Variants in GLCE observed in about 807,000 individuals in gnomAD.
GLCE encodes the protein glucuronic acid epimerase.
GLCE carries 19 observed loss-of-function variants against 47.9 expected under a neutral mutation model. The ratio of observed to expected loss-of-function variants is 0.40; its 90% CI spans 0.28 to 0.58. The LOEUF is 0.58. GLCE is among the 20% of genes least tolerant of loss of function. The pLI is 0.48. For synonymous variants in GLCE, 245 were observed against 263.4 expected, an observed-to-expected ratio of 0.93 and a Z score of 0.68; for missense variants, 556 against 743.3, an observed-to-expected ratio of 0.75 and a Z score of 2.93.
At chr15:69,208,820 T>A (rs2052186757) in intron 1 of GLCE, among the ~76,000 whole-genome samples, 1 of 152,132 alleles carries the variant, frequency 6.6e-6, no homozygotes, top group Non-Finnish European at 1.5e-5. Context: ...GTTGTTAGCA[T>A]ATAGCTCTTG....
intron 2 of GLCE, among the ~76,000 whole-genome samples, chr15:69,227,681 T>C (rs2052468778): frequency 6.6e-6 from 1 of 152,230 alleles, no homozygotes; most frequent in Admixed American, 6.5e-5. Flanking sequence ...GACCTTATAC[T>C]GATAATTTCA....
At position 69,255,975 on chromosome 15, in the gene GLCE, G is replaced by A; in HGVS notation, c.169G>A (p.Ala57Thr). ...AGTGGATGGGTTTGAAAAAAGAGCA[G>A]CAGCATCTGAGAGTAACAACTATAT... ...FRVDGFEKRA[A>T]ASESNNYMNH... The change falls in exon 3 of 5, where the codon GCA (alanine) becomes ACA (threonine). Residue 57 changes from alanine (A) to threonine (T), a missense_variant. By Grantham distance (58) the Ala-to-Thr change is moderately conservative. This residue lies in a region of GLCE where 237 missense variants were observed against 310.9 expected (regional missense o/e 0.76). Coordinates refer to ENST00000261858, the MANE Select transcript of GLCE (RefSeq NM_015554.3). 1 of 1,614,072 alleles carries A rather than the reference G, an allele frequency of 6.2e-7. No individual in the cohort carries two copies. Among genetic ancestry groups the A allele is most frequent in the African/African-American group, 1.3e-5 (1 of 75,026 alleles).
intron 1 of GLCE, among the ~76,000 whole-genome samples, chr15:69,193,091 C>G (rs2051937692): frequency 6.6e-6 from 1 of 151,880 alleles, no homozygotes; most frequent in Non-Finnish European, 1.5e-5. Context: ...TCCCCCTCCC[C>G]CTGAATTCTA....
intron 2 of GLCE, among the ~76,000 whole-genome samples, chr15:69,218,628 CAA>C (rs1056500698): frequency 1.3e-5 from 2 of 152,152 alleles, no homozygotes; most frequent in African/African-American, 4.8e-5. Flanking sequence ...AATAATTAGA[CAA>C]GACTGAAATT....
chr15:69,179,604 AACCACTG>A (rs1423521421), intron 1 of GLCE, among the ~76,000 whole-genome samples: 2 of 152,160 alleles, frequency 1.3e-5, no homozygotes, highest in Admixed American at 6.5e-5. Context: ...CTCTCATCCT[AACCACTG>A]ACAACGTAAC....
intron 1 of GLCE, among the ~76,000 whole-genome samples, chr15:69,175,172 T>C (rs2051644313): frequency 6.6e-6 from 1 of 152,172 alleles, no homozygotes; most frequent in Non-Finnish European, 1.5e-5. Context: ...ATATGATCTT[T>C]AGTCTTCATC....
intron 1 of GLCE, among the ~76,000 whole-genome samples, chr15:69,172,602 TA>T (rs34963446): frequency 0.65 from 98,319 of 152,000 alleles, 34,589 homozygotes; most frequent in Non-Finnish European, 0.77. Context: ...GACATCCTCT[TA>T]ACGATATCTT....
intron 2 of GLCE, among the ~76,000 whole-genome samples, chr15:69,224,673 C>A (rs966222809): frequency 1.3e-5 from 2 of 152,208 alleles, no homozygotes; most frequent in African/African-American, 4.8e-5. Context: ...AAGCTGAGTA[C>A]AAACTGCTCC....
intron 2 of GLCE, among the ~76,000 whole-genome samples, chr15:69,229,983 G>T (rs1057275633): frequency 6.6e-6 from 1 of 152,096 alleles, no homozygotes. Context: ...GCAGAGGAGG[G>T]TGGATCACTT....
At chr15:69,203,221 A>G (rs1275303941) in intron 1 of GLCE, among the ~76,000 whole-genome samples, 2 of 152,162 alleles carry the variant, frequency 1.3e-5, no homozygotes, top group African/African-American at 4.8e-5. Context: ...CTGGAAGTTT[A>G]ACTGTGAATG....
At chr15:69,215,164 C>T (rs1467238527) in intron 2 of GLCE, among the ~76,000 whole-genome samples, 2 of 152,038 alleles carry the variant, frequency 1.3e-5, no homozygotes, top group Non-Finnish European at 2.9e-5. Flanking sequence ...ACATATCTAC[C>T]AACAGCAGTT....
rs377692767 is a variant in GLCE, at chr15:69,235,034, C to T, written c.-13-20760C>T. ...GGGAAAATGCTAACATACCTTATAACAGATGTTTAACAAATATTTGTTGAT... is the reference window on the plus strand; with the variant it reads ...GGGAAAATGCTAACATACCTTATAATAGATGTTTAACAAATATTTGTTGAT... On this transcript the variant is annotated intron_variant, in intron 2 of 4. Transcript: ENST00000261858. Among the ~76,000 whole-genome samples the T allele has an allele frequency of 3.6e-3, 503 of 140,996 alleles. 2 individuals carry two copies. The highest frequency in any genetic ancestry group is 4.1e-3 in the Non-Finnish European group (272 of 66,006). 92.5% of individuals were successfully genotyped at this position (140,996 alleles called of 152,430 possible). A position where few individuals can be genotyped will look rare whatever the true frequency, so the allele number is the denominator to read the frequency against.
chr15:69,169,550 C>G (rs554392121), intron 1 of GLCE, among the ~76,000 whole-genome samples: 7 of 127,410 alleles, frequency 5.5e-5, no homozygotes, highest in Non-Finnish European at 9.8e-5. Context: ...TCCCTCCCCC[C>G]ACCCCACAAC....
chr15:69,205,023 T>C (rs2052130980), intron 1 of GLCE, among the ~76,000 whole-genome samples: 1 of 152,112 alleles, frequency 6.6e-6, no homozygotes, highest in Non-Finnish European at 1.5e-5. Flanking sequence ...TAAATGAACA[T>C]GCAGTAAAAC....
chr15:69,249,633 A>G (rs2052808316), intron 2 of GLCE, among the ~76,000 whole-genome samples: 1 of 152,038 alleles, frequency 6.6e-6, no homozygotes, highest in South Asian at 2.1e-4. Flanking sequence ...ACATTATTCG[A>G]GGGAAAAAAA....
At position 69,247,030 on chromosome 15, in the gene GLCE, C is replaced by T. The variant is rs147135532; in HGVS notation, c.-13-8764C>T. On this transcript the variant is annotated intron_variant, in intron 2 of 4. Coordinates refer to ENST00000261858, the MANE Select transcript of GLCE (RefSeq NM_015554.3). ...AGATTTAGCATAATTCTTAAGGGCT[C>T]TAGTATTTTCAGAATTATAAAGGAG... 5.8e-4 allele frequency among the ~76,000 whole-genome samples: 88 copies of T among 152,264 alleles called. 1 individual carries two copies. The highest frequency in any genetic ancestry group is 3.7e-3 in the Admixed American group (56 of 15,294).
At chr15:69,196,657 C>G (rs533239422) in intron 1 of GLCE, 1 of 160,712 alleles carries the variant, frequency 6.2e-6, no homozygotes, top group Non-Finnish European at 1.4e-5. Context: ...GAGCAATCAT[C>G]GAAGCTGATC....
intron 2 of GLCE, among the ~76,000 whole-genome samples, chr15:69,213,939 T>G (rs1220121799): frequency 3.3e-5 from 5 of 152,192 alleles, no homozygotes; most frequent in African/African-American, 4.8e-5. Flanking sequence ...CTGTTGTTAT[T>G]TATTTTGTTG....
rs1231526820 is a variant in GLCE at position 69,270,382 on chromosome 15, T to C, written c.*1138T>C. 2.0e-5 allele frequency: 3 copies of C among 152,266 alleles called. No individual in the cohort carries two copies. Among genetic ancestry groups the C allele is most frequent in the East Asian group, 1.9e-4 (1 of 5,186 alleles). The allele number at this position is 152,266 out of a possible 1,614,324, so 9.4% of individuals were successfully genotyped here. ...GATAGAAGGGATGTTACTGCACTTA[T>C]GTGTAATCAGATCTTTATTTAGGTA... On this transcript the variant is annotated 3_prime_UTR_variant, in exon 5 of 5. Transcript: ENST00000261858.
Sources: gnomAD v4.1 joint callset for allele counts (sites outside exome capture counted in the v4.1 genomes callset) on GRCh38, gnomAD v4.1.1 for gene constraint, gnomAD v4.1.1 regional missense constraint, MANE v1.5 for transcripts, NCBI Gene and HGNC (gene_info 2026-07-23, HGNC 2026-07-21) for gene names.